The following COL4A2 variants were observed in gnomAD, a reference collection of about 807,000 sequenced individuals.
COL4A2 encodes the protein collagen type IV alpha 2 chain, also known as collagen alpha-2(IV) chain.
A neutral mutation model predicts 200.2 loss-of-function variants in COL4A2; 99 were observed. The observed-to-expected ratio is 0.49, with a 90% CI of 0.42 to 0.58. COL4A2 has a LOEUF of 0.58. COL4A2 is among the 20% of genes least tolerant of loss of function. COL4A2 has a pLI of 0.00. For synonymous variants in COL4A2, 897 were observed against 900.6 expected, an observed-to-expected ratio of 1.00 and a Z score of 0.07; for missense variants, 1,950 against 2,314.1, an observed-to-expected ratio of 0.84 and a Z score of 3.23.
At chr13:110,385,945 G>GGCCGTGGTTACAGCATGTGGATA (rs1878719584) in intron 4 of COL4A2, among the ~76,000 whole-genome samples, 1 of 20,880 alleles carries the variant, frequency 4.8e-5, no homozygotes, top group Non-Finnish European at 8.7e-5. Context: ...GCGTGTGGAT[G>GGCCGTGGTTACAGCATGTGGATA]GGCCGTGGTC....
chr13:110,357,636 G>A (rs960970075), intron 4 of COL4A2, 84 bp downstream of exon 4: 16 of 1,529,114 alleles, frequency 1.0e-5, no homozygotes, highest in East Asian at 4.9e-5. Flanking sequence ...TCTGGGACAC[G>A]TGTGGCTGGG....
rs534365217 is a variant in COL4A2, at chr13:110,444,118, G to A, written c.958-1711G>A. 1.5e-4 allele frequency among the ~76,000 whole-genome samples: 23 copies of A among 152,306 alleles called. No individual in the cohort carries two copies. In the South Asian group the frequency reaches 4.8e-3, roughly 32 times the overall value. ...CAGCTGCCTCAGAGGAATCCTGAGT[G>A]CTTCTTAAGTTGTCCCCCTTCCCCA... is the stretch of plus-strand genomic sequence containing the variant. On this transcript the variant is annotated intron_variant, in intron 16 of 47. Transcript: ENST00000360467.
chr13:110,471,310 C>G (rs920547053), intron 28 of COL4A2, among the ~76,000 whole-genome samples: 3 of 152,136 alleles, frequency 2.0e-5, no homozygotes, highest in African/African-American at 4.8e-5. Flanking sequence ...GAGTTGGGAG[C>G]CTGTTCCACC....
intron 3 of COL4A2, among the ~76,000 whole-genome samples, chr13:110,333,597 G>A (rs1413559628): frequency 6.6e-6 from 1 of 152,156 alleles, no homozygotes; most frequent in Non-Finnish European, 1.5e-5. Flanking sequence ...TGATTGAGGT[G>A]TCCCCTGGCT....
intron 4 of COL4A2, among the ~76,000 whole-genome samples, chr13:110,390,924 T>C (rs1443519105): frequency 2.0e-5 from 3 of 152,220 alleles, no homozygotes; most frequent in Non-Finnish European, 2.9e-5. Flanking sequence ...TAAAAAGACA[T>C]ATGTCAAGTG....
chr13:110,366,349 G>A (rs943951389), intron 4 of COL4A2, among the ~76,000 whole-genome samples: 11 of 152,146 alleles, frequency 7.2e-5, no homozygotes, highest in African/African-American at 2.7e-4. Context: ...TAGAAACAGC[G>A]TCCACAGTCA....
chr13:110,348,055 A>C (rs1473410181), intron 3 of COL4A2, among the ~76,000 whole-genome samples: 2 of 152,136 alleles, frequency 1.3e-5, no homozygotes, highest in Non-Finnish European at 2.9e-5. Flanking sequence ...GTCTAGCCCA[A>C]CTCGTTGAAC....
In COL4A2 at chr13:110,450,352, G is replaced by A. The variant is rs1464563247; in HGVS notation, c.1237G>A (p.Gly413Arg). 2.5e-6 allele frequency: 4 copies of A among 1,613,636 alleles called. No homozygotes were observed. Among genetic ancestry groups the A allele is most frequent in the Non-Finnish European group, 3.4e-6 (4 of 1,179,754 alleles). ...PGEMGPKGFI[G>R]DPGIPALYGG... ...TGAGATGGGACCCAAGGGCTTCATCGGAGACCCCGGCATCCCTGCGCTCTA... is the reference window on the plus strand; with the variant it reads ...TGAGATGGGACCCAAGGGCTTCATCAGAGACCCCGGCATCCCTGCGCTCTA... The change falls in exon 20 of 48, where the codon GGA (glycine) becomes AGA (arginine). Residue 413 changes from glycine (G) to arginine (R), a missense_variant. Around this residue, in one of 2 missense-constraint regions of COL4A2, gnomAD observed 565 missense variants for 593.5 expected, o/e 0.95. Coordinates refer to ENST00000360467, the MANE Select transcript of COL4A2 (RefSeq NM_001846.4).
At chr13:110,446,975 T>A in intron 18 of COL4A2, 111 bp downstream of exon 18, 1 of 693,026 alleles carries the variant, frequency 1.4e-6, no homozygotes, top group Non-Finnish European at 2.2e-6. Flanking sequence ...CCCTAAAACT[T>A]AAAGTATAAT....
At chr13:110,495,985 AG>A (rs1883441181) in intron 40 of COL4A2, among the ~76,000 whole-genome samples, 1 of 152,146 alleles carries the variant, frequency 6.6e-6, no homozygotes, top group Admixed American at 6.5e-5. Context: ...CAGTCTGCCA[AG>A]GGTGTTGCGG....
At chr13:110,426,439 C>CT (rs1379967748) in intron 6 of COL4A2, among the ~76,000 whole-genome samples, 1 of 152,216 alleles carries the variant, frequency 6.6e-6, no homozygotes, top group Non-Finnish European at 1.5e-5. Flanking sequence ...GATCCAGTCT[C>CT]TTAACCGCAG....
chr13:110,466,154 T>A (rs930574581), intron 26 of COL4A2, 92 bp downstream of exon 26: 1 of 1,437,218 alleles, frequency 7.0e-7, no homozygotes, highest in African/African-American at 1.4e-5. Flanking sequence ...GGATAAGAAA[T>A]ATTAATAATA....
intron 4 of COL4A2, among the ~76,000 whole-genome samples, chr13:110,417,463 CT>C (rs1285762419): frequency 5.9e-5 from 9 of 152,048 alleles, no homozygotes; most frequent in African/African-American, 2.2e-4. Flanking sequence ...CTCAGCTCCT[CT>C]TTTGTTTGTT....
At chr13:110,430,488 G>C in intron 9 of COL4A2, 52 bp downstream of exon 9, 2 of 1,614,088 alleles carry the variant, frequency 1.2e-6, no homozygotes, top group African/African-American at 1.3e-5. Flanking sequence ...AAGAGCTTCA[G>C]AACTCCAAGT....
At chr13:110,449,864 C>T in intron 19 of COL4A2, 75 bp downstream of exon 19, 1 of 1,445,264 alleles carries the variant, frequency 6.9e-7, no homozygotes, top group Non-Finnish European at 9.3e-7. Flanking sequence ...ACAAGGGAGA[C>T]TTCGTTGACG....
At chr13:110,509,297 A>ACACACACACACACACAC (rs1566575730) in intron 47 of COL4A2, among the ~76,000 whole-genome samples, 1 of 141,818 alleles carries the variant, frequency 7.1e-6, no homozygotes, top group African/African-American at 2.6e-5. Flanking sequence ...ACACACACAC[A>ACACACACACACACACAC]ACATAAAATA....
intron 4 of COL4A2, among the ~76,000 whole-genome samples, chr13:110,358,392 G>A (rs1877377640): frequency 6.6e-6 from 1 of 152,010 alleles, no homozygotes; most frequent in Non-Finnish European, 1.5e-5. Flanking sequence ...GCCTGCTTCT[G>A]GATTCTTCCT....
At chr13:110,474,443 T>C (rs946391812) in intron 29 of COL4A2, among the ~76,000 whole-genome samples, 1 of 152,138 alleles carries the variant, frequency 6.6e-6, no homozygotes, top group Non-Finnish European at 1.5e-5. Context: ...GGAGTTTTGA[T>C]GATGATGAGA....
intron 4 of COL4A2, among the ~76,000 whole-genome samples, chr13:110,370,978 A>T (rs903787790): frequency 6.6e-6 from 1 of 152,260 alleles, no homozygotes; most frequent in Admixed American, 6.5e-5. Flanking sequence ...TGTGGGTGGA[A>T]ATGAACTCCT....
Sources: allele counts gnomAD v4.1 joint callset (sites outside exome capture counted in the v4.1 genomes callset), GRCh38; gene constraint gnomAD v4.1.1; regional missense constraint gnomAD v4.1.1; transcripts MANE v1.5; gene names NCBI Gene and HGNC (gene_info 2026-07-23, HGNC 2026-07-21).